ME2: variants seen among roughly 807,000 people sequenced by gnomAD.
ME2 encodes malic enzyme 2.
Under a neutral mutation model 73.7 loss-of-function variants are expected in ME2, and 60 were observed. That is an observed-to-expected ratio of 0.81 (90% CI 0.66 to 1.01). The LOEUF (loss-of-function observed/expected upper bound fraction) is 1.01, where lower values mean the gene tolerates loss of function less well. Ranked by LOEUF, ME2 falls within the 50% of genes least tolerant of loss-of-function variation. The pLI is 0.00. For missense variants in ME2, 594 were observed against 705.5 expected, an observed-to-expected ratio of 0.84 and a Z score of 1.79; for synonymous variants, 199 against 236.9, an observed-to-expected ratio of 0.84 and a Z score of 1.47.
intron 3 of ME2, among the ~76,000 whole-genome samples, chr18:50,910,035 CAT>C (rs1917110226): frequency 6.6e-6 from 1 of 151,968 alleles, no homozygotes; most frequent in African/African-American, 2.4e-5. Context: ...TCTTTTATGA[CAT>C]AGAATATGAA....
Position 50,917,498 on chromosome 18 carries a change from C to A in ME2, c.620C>A (p.Thr207Asn). The A allele has an allele frequency of 1.3e-6, 2 of 1,597,798 alleles. No individual in the cohort carries two copies. The highest frequency in any genetic ancestry group is 2.3e-5 in the South Asian group (2 of 88,542). ...RCLPVCIDVGTDNIALLKDPF... is the reference protein window; with the variant it reads ...RCLPVCIDVGNDNIALLKDPF... ...CTGCCAGTGTGTATTGATGTGGGAACTGATAATATCGTGAGTAACATCATT... is the reference window on the plus strand; with the variant it reads ...CTGCCAGTGTGTATTGATGTGGGAAATGATAATATCGTGAGTAACATCATT... Residue 207 changes from threonine to asparagine, a missense_variant, in exon 6 of 16, where the codon ACT becomes AAT. Thr to Asn is a moderately conservative substitution (Grantham distance 65, BLOSUM62 0). Coordinates refer to ENST00000321341, the MANE Select transcript of ME2 (RefSeq NM_002396.5).
At chr18:50,922,158 A>G (rs1917444281) in intron 10 of ME2, among the ~76,000 whole-genome samples, 1 of 152,244 alleles carries the variant, frequency 6.6e-6, no homozygotes, top group South Asian at 2.1e-4. Flanking sequence ...AATAAAATGA[A>G]AAGTTAAAGT....
At chr18:50,905,392 A>T (rs1916995342) in intron 2 of ME2, among the ~76,000 whole-genome samples, 3 of 152,144 alleles carry the variant, frequency 2.0e-5, no homozygotes, top group Admixed American at 1.3e-4. Flanking sequence ...CTACTGTTGA[A>T]CCCCTCTGGT....
intron 2 of ME2, among the ~76,000 whole-genome samples, chr18:50,899,834 C>G (rs953744927): frequency 2.6e-5 from 4 of 152,192 alleles, no homozygotes; most frequent in African/African-American, 4.8e-5. Context: ...ATATCTTAGT[C>G]TGTATCCTCA....
intron 13 of ME2, among the ~76,000 whole-genome samples, chr18:50,935,985 T>G (rs575466985): frequency 1.6e-4 from 24 of 152,218 alleles, no homozygotes; most frequent in African/African-American, 5.3e-4. Context: ...GCTGAGTTTT[T>G]TTTTTAGAAC....
intron 1 of ME2, among the ~76,000 whole-genome samples, chr18:50,888,021 G>A (rs1477533943): frequency 6.6e-6 from 1 of 152,122 alleles, no homozygotes; most frequent in African/African-American, 2.4e-5. Flanking sequence ...AGCTATATAA[G>A]AAGTTAGGTG....
intron 1 of ME2, among the ~76,000 whole-genome samples, chr18:50,887,160 T>C (rs1916493270): frequency 6.6e-6 from 1 of 152,164 alleles, no homozygotes; most frequent in African/African-American, 2.4e-5. Context: ...AAGTATAATA[T>C]ATGTTTAAAC....
chr18:50,888,178 C>CA (rs995741676), intron 1 of ME2, among the ~76,000 whole-genome samples: 6 of 151,636 alleles, frequency 4.0e-5, no homozygotes, highest in Middle Eastern at 3.4e-3. Flanking sequence ...TCTTTCTCTA[C>CA]AAAAAAAACT....
At chr18:50,937,236 A>C (rs564803402) in intron 13 of ME2, among the ~76,000 whole-genome samples, 24 of 152,310 alleles carry the variant, frequency 1.6e-4, no homozygotes, top group African/African-American at 5.3e-4. Context: ...ACTTAAAAAA[A>C]TGCTATTAAC....
At chr18:50,898,135 A>T (rs998196844) in intron 2 of ME2, among the ~76,000 whole-genome samples, 3 of 152,204 alleles carry the variant, frequency 2.0e-5, no homozygotes, top group African/African-American at 7.2e-5. Flanking sequence ...TTTTGTAAAT[A>T]TTATCTTTAA....
chr18:50,890,877 A>G (rs907859419), intron 1 of ME2, among the ~76,000 whole-genome samples: 15 of 152,190 alleles, frequency 9.9e-5, no homozygotes, highest in Admixed American at 9.2e-4. Flanking sequence ...GGAGGACCCA[A>G]CCCCTTCTAG....
intron 13 of ME2, 174 bp downstream of exon 13, chr18:50,932,534 A>T: frequency 2.2e-6 from 1 of 458,818 alleles, no homozygotes. Context: ...TTTCTCTGAA[A>T]ATTTATTCAT....
intron 12 of ME2, among the ~76,000 whole-genome samples, chr18:50,930,246 T>TGA (rs1917661455): frequency 6.6e-6 from 1 of 152,110 alleles, no homozygotes; most frequent in South Asian, 2.1e-4. Flanking sequence ...GGCAACAGAA[T>TGA]GAGACCCCGT....
rs1599113544 is a variant in ME2 at position 50,924,797 on chromosome 18, C to T, written c.1171+585C>T. Among the ~76,000 whole-genome samples, 3 of 151,504 alleles carry T rather than the reference C, an allele frequency of 2.0e-5. No homozygotes were observed. The South Asian group carries it at 6.3e-4, about 32-fold the overall frequency. On this transcript the variant is annotated intron_variant, in intron 11 of 15. Transcript: ENST00000321341. The stretch of plus-strand genomic sequence containing the variant: ...CCCGGGTTCAAGCAATTCTCTTGCC[C>T]CAGCCTCCCAAGTAGCTGGGATTAC...
chr18:50,912,964 A>T lies in ME2; in HGVS notation c.392+14A>T, dbSNP rs370886798. 121 of 1,555,732 alleles carry T rather than the reference A, an allele frequency of 7.8e-5. 1 individual carries two copies. The African/African-American group carries it at 1.4e-3, about 18-fold the overall frequency. Reference sequence around the variant, plus strand: ...TAGAAGACCTAAGTAAGGCTTGTTTAAAAAAAAGCTTGTAAATGATTATTG... The same window carrying T: ...TAGAAGACCTAAGTAAGGCTTGTTTTAAAAAAAGCTTGTAAATGATTATTG... On this transcript the variant is annotated intron_variant, in intron 4 of 15. Coordinates refer to ENST00000321341, the MANE Select transcript of ME2 (RefSeq NM_002396.5).
At position 50,949,973 on chromosome 18, in the gene ME2, C is replaced by T. The variant is rs866613445; in HGVS notation, c.*2789C>T. The T allele has an allele frequency of 2.0e-5, 3 of 152,158 alleles. No individual in the cohort carries two copies. Among genetic ancestry groups the T allele is most frequent in the African/African-American group, 7.2e-5 (3 of 41,452 alleles). The allele number at this position is 152,158 out of a possible 1,614,324, so 9.4% of individuals were successfully genotyped here. A position where few individuals can be genotyped will look rare whatever the true frequency, so the allele number is the denominator to read the frequency against. Reference sequence around the variant, plus strand: ...GCTGGAAAAGAAATTAAAACATTACCTTCGATGAGACTTTACCTAGCAAGA... The same window carrying T: ...GCTGGAAAAGAAATTAAAACATTACTTTCGATGAGACTTTACCTAGCAAGA... On this transcript the variant is annotated 3_prime_UTR_variant, in exon 16 of 16. Coordinates refer to ENST00000321341, the MANE Select transcript of ME2 (RefSeq NM_002396.5).
rs201804313 is a variant in ME2, at chr18:50,924,241, T to G, written c.1171+29T>G. On this transcript the variant is annotated intron_variant, in intron 11 of 15. Coordinates refer to ENST00000321341, the MANE Select transcript of ME2 (RefSeq NM_002396.5). Reference sequence around the variant, plus strand: ...GGTAAAGTTTTTCTGATAAATAATTTTACTCCCTAACTGTATGTTGCCAGT... The same window carrying G: ...GGTAAAGTTTTTCTGATAAATAATTGTACTCCCTAACTGTATGTTGCCAGT... The G allele has an allele frequency of 2.6e-5, 37 of 1,445,638 alleles. No homozygotes were observed. In the Admixed American group the frequency reaches 6.5e-4, roughly 25 times the overall value. The allele number at this position is 1,445,638 out of a possible 1,614,324, so 89.6% of individuals were successfully genotyped here.
chr18:50,911,390 C>T (rs1307576074), intron 3 of ME2, among the ~76,000 whole-genome samples: 1 of 152,124 alleles, frequency 6.6e-6, no homozygotes, highest in East Asian at 1.9e-4. Context: ...CAGTTATATG[C>T]CACATATTGC....
intron 15 of ME2, 44 bp from the exon 16 acceptor site, chr18:50,946,973 G>T (rs754919433): frequency 7.1e-7 from 1 of 1,409,596 alleles, no homozygotes; most frequent in Admixed American, 1.8e-5. Flanking sequence ...CTCTCTAATA[G>T]GTTAATACTC....
Sources: allele counts gnomAD v4.1 joint callset (sites outside exome capture counted in the v4.1 genomes callset), GRCh38; gene constraint gnomAD v4.1.1; transcripts MANE v1.5; gene names NCBI Gene and HGNC (gene_info 2026-07-23, HGNC 2026-07-21).